The following SPDEF variants were observed in gnomAD, a reference collection of about 807,000 sequenced individuals.
SPDEF encodes SAM pointed domain containing ETS transcription factor.
In SPDEF, 12 loss-of-function variants were observed where a neutral mutation model predicts 36.0. That is an observed-to-expected ratio of 0.33 (90% CI 0.21 to 0.54). The LOEUF (loss-of-function observed/expected upper bound fraction) is 0.54, where lower values mean the gene tolerates loss of function less well. Among genes scored for constraint, SPDEF ranks in the 20% least tolerant of loss-of-function variants. The pLI, the probability that SPDEF is intolerant of heterozygous loss-of-function variation, is 0.93. For synonymous variants in SPDEF, 205 were observed against 193.0 expected, an observed-to-expected ratio of 1.06 and a Z score of -0.51; for missense variants, 388 against 456.9, an observed-to-expected ratio of 0.85 and a Z score of 1.37.
At chr6:34,540,877 T>G in intron 3 of SPDEF, 107 bp downstream of exon 3, 2 of 1,033,458 alleles carry the variant, frequency 1.9e-6, no homozygotes, top group Non-Finnish European at 2.8e-6. Context: ...TGGAGTCCAG[T>G]TGGGGGCCAA....
intron 2 of SPDEF, among the ~76,000 whole-genome samples, chr6:34,543,185 G>C (rs1220229323): frequency 4.2e-5 from 3 of 71,634 alleles, no homozygotes; most frequent in Non-Finnish European, 7.2e-5. Context: ...AACAGAGCAA[G>C]ACTCCATCTC....
chr6:34,544,644 A>G lies in SPDEF; in HGVS notation c.-29-160T>C, dbSNP rs1767913890. ...GGGCAGCCACGACATGGTTGGGCAG[A>G]CAGGCCTTCTGGCTGGGAAAGACAG... is the stretch of plus-strand genomic sequence containing the variant. On this transcript the variant is annotated intron_variant, in intron 1 of 5. Coordinates refer to ENST00000374037, the MANE Select transcript of SPDEF (RefSeq NM_012391.3). The surrounding 1 kb of genome is among the most constrained non-coding windows in gnomAD (Gnocchi z 4.4). Among the ~76,000 whole-genome samples the G allele has an allele frequency of 6.6e-6, 1 of 152,202 alleles. No homozygotes were observed. The highest frequency in any genetic ancestry group is 6.5e-5 in the Admixed American group (1 of 15,290).
chr6:34,551,631 G>A (rs1582006597), intron 1 of SPDEF, among the ~76,000 whole-genome samples: 1 of 152,218 alleles, frequency 6.6e-6, no homozygotes, highest in African/African-American at 2.4e-5. Context: ...TGTAAGCAAA[G>A]GCATACTCCA....
At chr6:34,549,791 G>A (rs1440123998) in intron 1 of SPDEF, among the ~76,000 whole-genome samples, 2 of 152,210 alleles carry the variant, frequency 1.3e-5, no homozygotes, top group Admixed American at 6.5e-5. Flanking sequence ...CACTGAGGGA[G>A]TGACAGAGAT....
chr6:34,543,195 C>CAAAAAAAAAAAAAAAAAA (rs56021909), intron 2 of SPDEF, among the ~76,000 whole-genome samples: 4 of 69,138 alleles, frequency 5.8e-5, no homozygotes, highest in African/African-American at 1.3e-4. Context: ...GACTCCATCT[C>CAAAAAAAAAAAAAAAAAA]AAAAAAAAAA....
chr6:34,553,088 C>T (rs1035255632), intron 1 of SPDEF, among the ~76,000 whole-genome samples: 1 of 152,100 alleles, frequency 6.6e-6, no homozygotes, highest in African/African-American at 2.4e-5. Flanking sequence ...GGTGCGCCGT[C>T]ATAATCCTGG....
Position 34,544,225 on chromosome 6 carries a change from G to C in SPDEF, c.231C>G (p.Ala77=), listed in dbSNP as rs777143431. 1 of 1,613,728 alleles carries C rather than the reference G, an allele frequency of 6.2e-7. No individual in the cohort carries two copies. The highest frequency in any genetic ancestry group is 1.7e-5 in the Admixed American group (1 of 59,994). The change falls in exon 2 of 6, where the codon GCC becomes GCG. Residue 77 remains alanine (A), a synonymous_variant. Coordinates refer to ENST00000374037, the MANE Select transcript of SPDEF (RefSeq NM_012391.3). The surrounding 1 kb of genome is among the most constrained non-coding windows in gnomAD (Gnocchi z 4.4). ...YPEDSSWAAK[A]PGASSREEPP... ...GCTCCTCCCGACTGCTGGCCCCAGG[G>C]GCCTTGGCTGCCCAGCTGCTGTCCT... is the stretch of plus-strand genomic sequence containing the variant.
At chr6:34,549,058 G>A (rs923408200) in intron 1 of SPDEF, among the ~76,000 whole-genome samples, 2 of 152,222 alleles carry the variant, frequency 1.3e-5, no homozygotes. Context: ...GTCCTCAGAT[G>A]GCAGGACCCA....
Position 34,539,323 on chromosome 6 carries a change from C to T in SPDEF, c.756G>A (p.Trp252Ter). The T allele has an allele frequency of 1.2e-6, 2 of 1,614,000 alleles. No individual in the cohort carries two copies. The highest frequency in any genetic ancestry group is 1.7e-6 in the Non-Finnish European group (2 of 1,180,050). Residue 252 changes from tryptophan (W) to a stop codon, truncating the protein, a stop_gained, in exon 5 of 6, where the codon TGG becomes TGA. Coordinates refer to ENST00000374037, the MANE Select transcript of SPDEF (RefSeq NM_012391.3). LOFTEE classifies it high-confidence loss of function. The surrounding 1 kb of genome is among the most constrained non-coding windows in gnomAD (Gnocchi z 5.2). Reference sequence around the variant, plus strand: ...TGAGTAGCAACTCCTTGAGGAACTGCCACAGGTGGATGGGCTGCCCGGAGC... The same window carrying T: ...TGAGTAGCAACTCCTTGAGGAACTGTCACAGGTGGATGGGCTGCCCGGAGC... ...SSCSGQPIHL[W>*]QFLKELLLKP...
chr6:34,549,333 C>T (rs569885968), intron 1 of SPDEF, among the ~76,000 whole-genome samples: 129 of 152,306 alleles, frequency 8.5e-4, no homozygotes, highest in Non-Finnish European at 4.3e-4. Context: ...CCTTGGGCCC[C>T]TTCTCTCAGC....
chr6:34,549,916 G>A (rs1374349529), intron 1 of SPDEF, among the ~76,000 whole-genome samples: 2 of 152,202 alleles, frequency 1.3e-5, no homozygotes, highest in African/African-American at 4.8e-5. Flanking sequence ...CTGTCTGTCA[G>A]CCCCTCCCTC....
chr6:34,552,557 C>T lies in SPDEF; in HGVS notation c.-30+3372G>A, dbSNP rs1351073442. ...CGTGTTTCTGCGGCCCCTCCAGACCCAGCACAGGCCAGGGAAGGCAGAGGC... is the reference window on the plus strand; with the variant it reads ...CGTGTTTCTGCGGCCCCTCCAGACCTAGCACAGGCCAGGGAAGGCAGAGGC... On this transcript the variant is annotated intron_variant, in intron 1 of 5. Coordinates refer to ENST00000374037, the MANE Select transcript of SPDEF (RefSeq NM_012391.3). The surrounding 1 kb of genome is among the most constrained non-coding windows in gnomAD (Gnocchi z 4.6). Among the ~76,000 whole-genome samples, 1 of 152,194 alleles carries T rather than the reference C, an allele frequency of 6.6e-6. No individual in the cohort carries two copies. The highest frequency in any genetic ancestry group is 1.5e-5 in the Non-Finnish European group (1 of 68,034).
At position 34,543,940 on chromosome 6, in the gene SPDEF, G is replaced by C. The variant is rs370335107; in HGVS notation, c.436+80C>G. On this transcript the variant is annotated intron_variant, in intron 2 of 5. Coordinates refer to ENST00000374037, the MANE Select transcript of SPDEF (RefSeq NM_012391.3). The stretch of plus-strand genomic sequence containing the variant: ...GCCAGAGGTGGCCAGAGTCCATCCA[G>C]CAGTGCCCCGACCCACCCCAGCGAC... 44 of 1,425,312 alleles carry C rather than the reference G, an allele frequency of 3.1e-5. No individual in the cohort carries two copies. The East Asian group carries it at 3.3e-4, about 11-fold the overall frequency. The allele number at this position is 1,425,312 out of a possible 1,614,324, so 88.3% of individuals were successfully genotyped here. A position where few individuals can be genotyped will look rare whatever the true frequency, so the allele number is the denominator to read the frequency against.
In SPDEF at chr6:34,539,193, GC is replaced by G. The variant is rs144426760; in HGVS notation, c.829+56del. On this transcript the variant is annotated intron_variant, in intron 5 of 5. Transcript: ENST00000374037. The surrounding 1 kb of genome is among the most constrained non-coding windows in gnomAD (Gnocchi z 5.2). ...CCCCCATGCACCGTGCCTGGCAGAA[GC>G]CCCCACAACCTCCATGCTCACTGGC... 1,937 of 1,593,198 alleles carry G rather than the reference GC, an allele frequency of 1.2e-3. 21 individuals are homozygous for G. The African/African-American group carries it at 0.023, about 19-fold the overall frequency.
At chr6:34,548,142 G>A (rs1767991751) in intron 1 of SPDEF, among the ~76,000 whole-genome samples, 1 of 152,192 alleles carries the variant, frequency 6.6e-6, no homozygotes, top group Admixed American at 6.5e-5. Context: ...CACATCACCC[G>A]CTTTCCTACC....
At position 34,539,621 on chromosome 6, in the gene SPDEF, G is replaced by A. The variant is rs1767775816; in HGVS notation, c.635-59C>T. ...GAGAGGCCCCGAGGGTGGAGGAGGG[G>A]AGGCGTTTGGGTGGGACTGTGGGGC... On this transcript the variant is annotated intron_variant, in intron 3 of 5. Transcript: ENST00000374037. This position sits in a 1 kb window ranked among gnomAD's most constrained non-coding sequence, Gnocchi z 5.2. The A allele has an allele frequency of 1.3e-6, 2 of 1,540,718 alleles. No individual in the cohort carries two copies. The highest frequency in any genetic ancestry group is 1.8e-6 in the Non-Finnish European group (2 of 1,139,858).
Position 34,538,154 on chromosome 6 carries a change from C to G in SPDEF, c.*120G>C. 2 of 1,155,228 alleles carry G rather than the reference C, an allele frequency of 1.7e-6. No homozygotes were observed. Among genetic ancestry groups the G allele is most frequent in the Non-Finnish European group, 2.4e-6 (2 of 818,336 alleles). The allele number at this position is 1,155,228 out of a possible 1,614,324, so 71.6% of individuals were successfully genotyped here. On this transcript the variant is annotated 3_prime_UTR_variant, in exon 6 of 6. Coordinates refer to ENST00000374037, the MANE Select transcript of SPDEF (RefSeq NM_012391.3). The surrounding 1 kb of genome is among the most constrained non-coding windows in gnomAD (Gnocchi z 5.9). Reference sequence around the variant, plus strand: ...TTGGTTGCCCCTCCCTGACCTTGGGCTCTGGAAGGTCAGAGCAGCAGAGCA... The same window carrying G: ...TTGGTTGCCCCTCCCTGACCTTGGGGTCTGGAAGGTCAGAGCAGCAGAGCA...
intron 1 of SPDEF, among the ~76,000 whole-genome samples, chr6:34,549,040 T>C (rs984815042): frequency 1.4e-4 from 22 of 152,206 alleles, no homozygotes; most frequent in African/African-American, 5.3e-4. Flanking sequence ...GTGTCTGCCA[T>C]GTCCAGGGTC....
At position 34,545,470 on chromosome 6, in the gene SPDEF, C is replaced by A. The variant is rs6910822; in HGVS notation, c.-29-986G>T. On this transcript the variant is annotated intron_variant, in intron 1 of 5. Coordinates refer to ENST00000374037, the MANE Select transcript of SPDEF (RefSeq NM_012391.3). ...AGGCCTTGCTCCCCACGGGCCGCCC[C>A]GGCTTGGTTTTGCCCAGGCCCTTTT... Among the ~76,000 whole-genome samples the A allele has an allele frequency of 3.3e-5, 5 of 152,256 alleles. No homozygotes were observed. The East Asian group carries it at 9.6e-4, about 29-fold the overall frequency.
Sources: allele counts gnomAD v4.1 joint callset (sites outside exome capture counted in the v4.1 genomes callset), GRCh38; gene constraint gnomAD v4.1.1; non-coding constraint Gnocchi (gnomAD v3.1); transcripts MANE v1.5; gene names NCBI Gene and HGNC (gene_info 2026-07-23, HGNC 2026-07-21).